The following IDS variants were observed in gnomAD, a reference collection of about 807,000 sequenced individuals.
The protein encoded by IDS is alpha-L-iduronate sulfate sulfatase.
IDS carries 1 observed loss-of-function variant against 33.5 expected under a neutral mutation model. The ratio of observed to expected loss-of-function variants is 0.03; its 90% CI spans 0.01 to 0.14. The LOEUF (loss-of-function observed/expected upper bound fraction) is 0.14. Among genes scored for constraint, IDS ranks in the 10% least tolerant of loss-of-function variants. IDS has a pLI of 1.00. For missense variants in IDS, 328 were observed against 448.0 expected (o/e 0.73, Z 2.42); for synonymous variants, 191 against 184.4 (o/e 1.04, Z -0.29).
At chrX:149,492,446 G>C (rs2089401360) in intron 6 of IDS, among the ~76,000 whole-genome samples, 1 of 111,514 alleles carries the variant, frequency 9.0e-6, no homozygotes, top group South Asian at 3.7e-4. Context: ...ACAGTGTGGA[G>C]TTGTGACAGA....
intron 8 of IDS, among the ~76,000 whole-genome samples, chrX:149,485,701 T>C (rs2089330558): frequency 8.9e-6 from 1 of 111,947 alleles, no homozygotes; most frequent in Non-Finnish European, 1.9e-5. Context: ...TACATCAATT[T>C]CTAAATTGCT....
chrX:149,491,887 G>C (rs781995339), intron 6 of IDS, among the ~76,000 whole-genome samples: 5 of 112,401 alleles, frequency 4.4e-5, no homozygotes, highest in East Asian at 5.6e-4. Flanking sequence ...TGGATGAAAT[G>C]AGTACTCAGA....
intron 6 of IDS, among the ~76,000 whole-genome samples, chrX:149,493,899 G>A (rs1192910723): frequency 2.7e-5 from 3 of 111,597 alleles, no homozygotes; most frequent in Non-Finnish European, 5.6e-5. Flanking sequence ...ACCTCTGGCT[G>A]TCCACCAGCT....
At chrX:149,493,215 G>T (rs1346486638) in intron 6 of IDS, among the ~76,000 whole-genome samples, 1 of 112,238 alleles carries the variant, frequency 8.9e-6, no homozygotes, top group African/African-American at 3.2e-5. Flanking sequence ...TATAGTGGGG[G>T]GCCTGGGAAG....
At chrX:149,483,300 C>A in intron 8 of IDS, 82 bp from the exon 9 acceptor site, 1 of 712,254 alleles carries the variant, frequency 1.4e-6, no homozygotes. Flanking sequence ...AGGAACCTGT[C>A]TGGGCTCCAT....
intron 6 of IDS, chrX:149,491,782 G>A (rs1417508229): frequency 2.3e-5 from 10 of 437,148 alleles, no homozygotes; most frequent in South Asian, 8.7e-5. Context: ...CACCCTTGAT[G>A]AGCCACCCCA....
chrX:149,505,205 G>C lies in IDS; in HGVS notation c.-68C>G. On this transcript the variant is annotated 5_prime_UTR_variant, in exon 1 of 9. Transcript: ENST00000340855. ...GCAGCAGGTGGCGCAGTTAGCAGCC[G>C]CCGCCGCAGCCACAGAGACCTCCTC... The C allele has an allele frequency of 1.3e-6, 1 of 776,266 alleles. No individual in the cohort carries two copies. Among genetic ancestry groups the C allele is most frequent in the Non-Finnish European group, 1.9e-6 (1 of 536,742 alleles). 64.0% of individuals were successfully genotyped at this position (776,266 alleles called of 1,213,427 possible).
In IDS at chrX:149,480,579, A is replaced by C. The variant is rs1168605350; in HGVS notation, c.*2167T>G. 2 of 286,294 alleles carry C rather than the reference A, an allele frequency of 7.0e-6. No individual in the cohort carries two copies. Among genetic ancestry groups the C allele is most frequent in the African/African-American group, 5.5e-5 (2 of 36,311 alleles). 23.6% of individuals were successfully genotyped at this position (286,294 alleles called of 1,213,427 possible). On this transcript the variant is annotated 3_prime_UTR_variant, in exon 9 of 9. Transcript: ENST00000340855. The stretch of plus-strand genomic sequence containing the variant: ...CACTGAAACCTCCGTCTCCTGGTTC[A>C]AGCGATTCTTGTGCCTTGGCCTCCC...
rs1351573990 is a variant in IDS at position 149,482,643 on chromosome X, C to T, written c.*103G>A. On this transcript the variant is annotated 3_prime_UTR_variant, in exon 9 of 9. Transcript: ENST00000340855. Reference sequence around the variant, plus strand: ...ATGTTTGGATTAACTAGCCCTCAGGCTGCTTCCAATATTATGGGTAATCAC... The same window carrying T: ...ATGTTTGGATTAACTAGCCCTCAGGTTGCTTCCAATATTATGGGTAATCAC... 132 of 1,155,807 alleles carry T rather than the reference C, an allele frequency of 1.1e-4. No homozygotes were observed. In the Middle Eastern group the frequency reaches 1.9e-3, roughly 17 times the overall value.
chrX:149,504,767 T>G (rs1602749991), intron 1 of IDS, among the ~76,000 whole-genome samples: 4 of 79,392 alleles, frequency 5.0e-5, no homozygotes, highest in Admixed American at 1.5e-4. Context: ...TGGATAGAGA[T>G]GGGAAAGATG....
intron 3 of IDS, 30 bp from the exon 4 acceptor site, chrX:149,501,067 T>C (rs1557339933): frequency 2.2e-6 from 2 of 928,783 alleles, no homozygotes; most frequent in South Asian, 1.9e-5. Context: ...TGTTAAAACA[T>C]GATGAGTCTT....
chrX:149,495,427 A>G (rs1557339178), intron 6 of IDS: 1 of 108,980 alleles, frequency 9.2e-6, no homozygotes, highest in East Asian at 2.9e-4. Flanking sequence ...TCTACAGCAG[A>G]GGCTCTCAAA....
chrX:149,496,879 A>T (rs781884526), intron 5 of IDS, among the ~76,000 whole-genome samples: 1 of 112,098 alleles, frequency 8.9e-6, no homozygotes, highest in East Asian at 2.8e-4. Flanking sequence ...CACTAGGGGA[A>T]CTCATAGGAT....
chrX:149,490,509 G>C (rs1471786879), intron 6 of IDS, 69 bp from the exon 7 acceptor site: 10 of 1,081,695 alleles, frequency 9.2e-6, no homozygotes, highest in Non-Finnish European at 1.3e-5. Flanking sequence ...CAGAGATAAT[G>C]CTTGCCTGTG....
rs782228331 is a variant in IDS at position 149,478,349 on chromosome X, T to C, written c.*4397A>G. Reference sequence around the variant, plus strand: ...CAACATTATTGCAATGGCCAAAAGGTAGAAATGACCCAAGTGGTCACTGGT... The same window carrying C: ...CAACATTATTGCAATGGCCAAAAGGCAGAAATGACCCAAGTGGTCACTGGT... On this transcript the variant is annotated 3_prime_UTR_variant, in exon 9 of 9. Transcript: ENST00000340855. The C allele has an allele frequency of 1.8e-5, 2 of 111,606 alleles. No individual in the cohort carries two copies. Among genetic ancestry groups the C allele is most frequent in the African/African-American group, 3.3e-5 (1 of 30,624 alleles). 9.2% of individuals were successfully genotyped at this position (111,606 alleles called of 1,213,427 possible). A position where few individuals can be genotyped will look rare whatever the true frequency, so the allele number is the denominator to read the frequency against.
chrX:149,492,058 G>C (rs2089397346), intron 6 of IDS, among the ~76,000 whole-genome samples: 1 of 112,144 alleles, frequency 8.9e-6, no homozygotes, highest in African/African-American at 3.2e-5. Flanking sequence ...TCCCCTTTCA[G>C]GGAACCTCAC....
intron 7 of IDS, among the ~76,000 whole-genome samples, chrX:149,488,627 G>C (rs1222260371): frequency 3.7e-5 from 4 of 108,148 alleles, no homozygotes; most frequent in Non-Finnish European, 7.7e-5. Context: ...CCCAGGCCTG[G>C]CACAGGGTCT....
At chrX:149,502,844 T>G in intron 3 of IDS, 1 of 255,366 alleles carries the variant, frequency 3.9e-6, no homozygotes, top group South Asian at 6.6e-5. Flanking sequence ...CTTTCTGACT[T>G]AATTTCCAGA....
intron 1 of IDS, 115 bp from the exon 2 acceptor site, chrX:149,504,408 T>A: frequency 1.2e-6 from 1 of 815,329 alleles, no homozygotes; most frequent in Non-Finnish European, 1.8e-6. Context: ...CTTAACAGCC[T>A]AGCCAGGGAG....
Sources: allele counts gnomAD v4.1 joint callset (sites outside exome capture counted in the v4.1 genomes callset), GRCh38; gene constraint gnomAD v4.1.1; transcripts MANE v1.5; gene names NCBI Gene and HGNC (gene_info 2026-07-23, HGNC 2026-07-21).